FGF12: variants seen among roughly 807,000 people sequenced by gnomAD.
The protein encoded by FGF12 is fibroblast growth factor 12.
FGF12 carries 14 observed loss-of-function variants against 23.6 expected under a neutral mutation model. The ratio of observed to expected loss-of-function variants is 0.59; its 90% CI spans 0.39 to 0.93. The LOEUF (loss-of-function observed/expected upper bound fraction) is 0.93. FGF12 is among the 40% of genes least tolerant of loss of function. FGF12 has a pLI of 0.00. For missense variants in FGF12, 175 were observed against 217.8 expected (o/e 0.80, Z 1.24); for synonymous variants, 62 against 77.3 (o/e 0.80, Z 1.04).
At chr3:192,553,496 A>G (rs115836483) in intron 2 of FGF12, among the ~76,000 whole-genome samples, 312 of 152,326 alleles carry the variant, frequency 2.0e-3, no homozygotes, top group Middle Eastern at 3.4e-3. Context: ...TAAAAAGCCA[A>G]TAGAAGAGCA....
intron 4 of FGF12, among the ~76,000 whole-genome samples, chr3:192,318,290 G>C (rs1301334434): frequency 6.6e-6 from 1 of 152,078 alleles, no homozygotes; most frequent in Non-Finnish European, 1.5e-5. Context: ...GAGATAGACA[G>C]AATTCAAAAT....
At chr3:192,500,164 G>C (rs1724091052) in intron 2 of FGF12, among the ~76,000 whole-genome samples, 1 of 152,152 alleles carries the variant, frequency 6.6e-6, no homozygotes, top group South Asian at 2.1e-4. Context: ...AGGTGGCTTG[G>C]AAAGTAGAGC....
chr3:192,363,468 G>A (rs971828463), intron 2 of FGF12, among the ~76,000 whole-genome samples: 5 of 152,112 alleles, frequency 3.3e-5, no homozygotes, highest in African/African-American at 1.2e-4. Context: ...ATCTCTGAGA[G>A]CAGTGCCAGA....
chr3:192,304,427 G>A (rs553219693), intron 4 of FGF12, among the ~76,000 whole-genome samples: 1 of 152,234 alleles, frequency 6.6e-6, no homozygotes, highest in South Asian at 2.1e-4. Context: ...GATTAAGCAA[G>A]TGCTACCAAG....
rs138634743 is a variant in FGF12 at position 192,628,833 on chromosome 3, A to G, written c.13+98348T>C. Among the ~76,000 whole-genome samples, 139 of 151,556 alleles carry G rather than the reference A, an allele frequency of 9.2e-4. 2 individuals carry two copies. The East Asian group carries it at 0.026, about 29-fold the overall frequency. ...TCTACATAGATATTAATATATATAC[A>G]CACACACACATACACAATCCTATCG... On this transcript the variant is annotated intron_variant, in intron 2 of 5. Coordinates refer to ENST00000445105, the MANE Select transcript of FGF12 (RefSeq NM_004113.6).
intron 2 of FGF12, among the ~76,000 whole-genome samples, chr3:192,586,359 G>C (rs1713374108): frequency 6.6e-6 from 1 of 152,128 alleles, no homozygotes; most frequent in Non-Finnish European, 1.5e-5. Context: ...ATTTACGCAA[G>C]TTAATTTCTC....
chr3:192,516,868 C>T (rs943279033), intron 2 of FGF12: 3 of 152,262 alleles, frequency 2.0e-5, no homozygotes, highest in Admixed American at 6.5e-5. Context: ...TGGTCTTCAT[C>T]TTTCCTGTCT....
intron 2 of FGF12, among the ~76,000 whole-genome samples, chr3:192,429,209 T>C (rs538415698): frequency 7.2e-5 from 11 of 152,282 alleles, no homozygotes; most frequent in Non-Finnish European, 1.6e-4. Context: ...TTAAGACATC[T>C]GACTCTTGTT....
chr3:192,312,916 G>C (rs75637406), intron 4 of FGF12, among the ~76,000 whole-genome samples: 5,712 of 152,172 alleles, frequency 0.038, 346 homozygotes, highest in African/African-American at 0.13. Flanking sequence ...CTTGGTACAT[G>C]ATAAGTAAAA....
At chr3:192,499,510 ATATATATTTTTTTTTTTTT>A (rs1274821399) in intron 2 of FGF12, among the ~76,000 whole-genome samples, 3 of 37,864 alleles carry the variant, frequency 7.9e-5, no homozygotes, top group Admixed American at 2.9e-4. Context: ...ATATATATAT[ATATATATTTTTTTTTTTTT>A]TTTTTTTTTT....
chr3:192,651,977 A>C (rs1716228607), intron 2 of FGF12, among the ~76,000 whole-genome samples: 1 of 152,180 alleles, frequency 6.6e-6, no homozygotes. Context: ...GATGTGGCTA[A>C]GTGAGAAGAG....
chr3:192,157,853 C>A (rs1183573609), intron 5 of FGF12, among the ~76,000 whole-genome samples: 1 of 152,218 alleles, frequency 6.6e-6, no homozygotes, highest in African/African-American at 2.4e-5. Context: ...CTAACGTTAA[C>A]TGAGCACTTA....
chr3:192,614,649 G>T (rs574098718), intron 2 of FGF12, among the ~76,000 whole-genome samples: 1 of 151,842 alleles, frequency 6.6e-6, no homozygotes, highest in Non-Finnish European at 1.5e-5. Context: ...TTTCTCAGTC[G>T]TAGGAGACTA....
chr3:192,496,272 A>C (rs1723953145), intron 2 of FGF12, among the ~76,000 whole-genome samples: 1 of 152,154 alleles, frequency 6.6e-6, no homozygotes, highest in Admixed American at 6.5e-5. Context: ...CTAATTGTAC[A>C]ATATAATCTC....
chr3:192,630,000 T>G (rs1195020112), intron 2 of FGF12, among the ~76,000 whole-genome samples: 1 of 152,120 alleles, frequency 6.6e-6, no homozygotes, highest in Non-Finnish European at 1.5e-5. Context: ...GTATCAGAAG[T>G]GGGGCCCAGT....
intron 2 of FGF12, among the ~76,000 whole-genome samples, chr3:192,411,944 T>C (rs1419558075): frequency 6.6e-6 from 1 of 151,000 alleles, no homozygotes; most frequent in African/African-American, 2.4e-5. Flanking sequence ...AATGAATGAA[T>C]AAAATATGGC....
intron 2 of FGF12, among the ~76,000 whole-genome samples, chr3:192,565,849 G>A (rs1022631503): frequency 3.9e-5 from 6 of 152,216 alleles, no homozygotes; most frequent in South Asian, 2.1e-4. Flanking sequence ...CACTTTGGGA[G>A]GCTGAGGCAG....
chr3:192,654,098 G>A (rs1323913539), intron 2 of FGF12, among the ~76,000 whole-genome samples: 1 of 152,170 alleles, frequency 6.6e-6, no homozygotes, highest in African/African-American at 2.4e-5. Context: ...ACAAGTATGT[G>A]AAGGATTTCA....
chr3:192,378,665 C>T (rs1009970228), intron 2 of FGF12, among the ~76,000 whole-genome samples: 1 of 151,962 alleles, frequency 6.6e-6, no homozygotes, highest in Non-Finnish European at 1.5e-5. Context: ...GTTTCTTGTT[C>T]CATTTTAATC....
Sources: allele counts gnomAD v4.1 joint callset (sites outside exome capture counted in the v4.1 genomes callset), GRCh38; gene constraint gnomAD v4.1.1; transcripts MANE v1.5; gene names NCBI Gene and HGNC (gene_info 2026-07-23, HGNC 2026-07-21).